The following CFAP47 variants were observed in gnomAD, a reference collection of about 807,000 sequenced individuals.
The protein encoded by CFAP47 is cilia- and flagella-associated protein 47.
In CFAP47, 29 loss-of-function variants were observed where a neutral mutation model predicts 148.1. That is an observed-to-expected ratio of 0.20 (90% CI 0.15 to 0.27). The LOEUF (loss-of-function observed/expected upper bound fraction) is 0.27, where lower values mean the gene tolerates loss of function less well. Among genes scored for constraint, CFAP47 ranks in the 10% least tolerant of loss-of-function variants. The pLI is 1.00. For synonymous variants in CFAP47, 664 were observed against 577.3 expected (o/e 1.15, Z -2.15); for missense variants, 1,872 against 1,697.5 (o/e 1.10, Z -1.81).
At chrX:36,194,511 G>A (rs1373047694) in intron 42 of CFAP47, among the ~76,000 whole-genome samples, 1 of 111,642 alleles carries the variant, frequency 9.0e-6, no homozygotes, top group Non-Finnish European at 1.9e-5. Flanking sequence ...CTACTATAAA[G>A]AACTACCTGG....
At chrX:36,085,816 T>C (rs1047921685) in intron 30 of CFAP47, among the ~76,000 whole-genome samples, 20 of 110,432 alleles carry the variant, frequency 1.8e-4, no homozygotes, top group Admixed American at 1.6e-3. Context: ...TCTTATACTT[T>C]ATCATGCATC....
At chrX:36,219,148 A>T (rs1940188624) in intron 45 of CFAP47, among the ~76,000 whole-genome samples, 2 of 111,822 alleles carry the variant, frequency 1.8e-5, no homozygotes, top group African/African-American at 6.5e-5. Context: ...ATACAAAATT[A>T]CTCCCACAAA....
intron 3 of CFAP47, among the ~76,000 whole-genome samples, chrX:35,944,550 C>T (rs1468124418): frequency 3.6e-5 from 4 of 110,997 alleles, no homozygotes; most frequent in Non-Finnish European, 7.6e-5. Flanking sequence ...GTGCTTAGAA[C>T]CAAGGGAATT....
intron 57 of CFAP47, among the ~76,000 whole-genome samples, chrX:36,336,244 G>GAC (rs781925226): frequency 0.04 from 2,601 of 65,582 alleles, 60 homozygotes; most frequent in Non-Finnish European, 0.053. Context: ...CAGACACACA[G>GAC]ACACACACAC....
At chrX:36,172,136 G>A (rs1214820226) in intron 39 of CFAP47, among the ~76,000 whole-genome samples, 1 of 104,676 alleles carries the variant, frequency 9.6e-6, no homozygotes, top group Non-Finnish European at 2.0e-5. Context: ...TGTGATTTTT[G>A]TACATTGATT....
chrX:36,287,310 A>G (rs1941143976), intron 51 of CFAP47, among the ~76,000 whole-genome samples: 1 of 111,461 alleles, frequency 9.0e-6, no homozygotes. Context: ...ATGTAATCCT[A>G]ATTCAGTTTG....
At chrX:35,991,252 G>A (rs1936786230) in intron 16 of CFAP47, among the ~76,000 whole-genome samples, 2 of 110,597 alleles carry the variant, frequency 1.8e-5, no homozygotes, top group South Asian at 7.5e-4. Context: ...ATTTAAAGAT[G>A]GATAACATAA....
chrX:35,995,131 C>T (rs780352455), intron 18 of CFAP47, among the ~76,000 whole-genome samples: 1 of 110,493 alleles, frequency 9.1e-6, no homozygotes, highest in South Asian at 3.9e-4. Context: ...AGGATGGAAG[C>T]GGGGTGTAAG....
intron 49 of CFAP47, among the ~76,000 whole-genome samples, chrX:36,277,880 C>T (rs1005736000): frequency 3.6e-5 from 4 of 112,167 alleles, no homozygotes; most frequent in African/African-American, 1.3e-4. Context: ...CCCTGTTTGC[C>T]TGAGTATCAC....
At chrX:36,117,276 G>A (rs1002868125) in intron 33 of CFAP47, among the ~76,000 whole-genome samples, 1 of 111,476 alleles carries the variant, frequency 9.0e-6, no homozygotes, top group African/African-American at 3.3e-5. Context: ...ATCCAGCAGT[G>A]GGATTGCTGG....
intron 33 of CFAP47, among the ~76,000 whole-genome samples, chrX:36,106,828 A>G (rs1446587139): frequency 8.9e-6 from 1 of 111,893 alleles, no homozygotes; most frequent in Non-Finnish European, 1.9e-5. Context: ...GCGGGGAAGG[A>G]GTGATGAATA....
At chrX:36,022,693 G>A (rs1937173395) in intron 22 of CFAP47, among the ~76,000 whole-genome samples, 1 of 110,099 alleles carries the variant, frequency 9.1e-6, no homozygotes, top group South Asian at 3.8e-4. Flanking sequence ...CTCTGACTGT[G>A]TATTTTTAAA....
chrX:36,048,658 C>T (rs1272959740), intron 26 of CFAP47, among the ~76,000 whole-genome samples: 1 of 111,588 alleles, frequency 9.0e-6, no homozygotes, highest in Non-Finnish European at 1.9e-5. Flanking sequence ...GATTGTACAC[C>T]CTACTTGCGT....
intron 22 of CFAP47, among the ~76,000 whole-genome samples, chrX:36,018,570 A>C (rs1020926467): frequency 2.7e-5 from 3 of 112,018 alleles, no homozygotes; most frequent in Non-Finnish European, 5.6e-5. Context: ...GAATTTTATC[A>C]AGTGTTCTTT....
At chrX:36,144,712 G>T (rs1939203350) in intron 35 of CFAP47, 1 of 1,023,113 alleles carries the variant, frequency 9.8e-7, no homozygotes, top group South Asian at 1.8e-5. Flanking sequence ...CAGTTTGCTT[G>T]TTTTTTTGTT....
At chrX:36,294,208 A>G (rs782370375) in intron 51 of CFAP47, among the ~76,000 whole-genome samples, 83 of 111,013 alleles carry the variant, frequency 7.5e-4, no homozygotes, top group Non-Finnish European at 1.3e-3. Flanking sequence ...TTCATCCTGC[A>G]ACCTGAAAGA....
chrX:36,257,252 T>G lies in CFAP47; in HGVS notation c.7444+5808T>G, dbSNP rs146999116. ...ATCTTCCCTTTGCCCGCAGGATTGA[T>G]GAAAGGACAACAGAGAAAGGATATA... is the stretch of plus-strand genomic sequence containing the variant. On this transcript the variant is annotated intron_variant, in intron 49 of 63. Coordinates refer to ENST00000378653, the MANE Select transcript of CFAP47 (RefSeq NM_001304548.2). Among the ~76,000 whole-genome samples the G allele has an allele frequency of 2.1e-3, 231 of 111,456 alleles. 1 individual carries two copies. Among genetic ancestry groups the G allele is most frequent in the African/African-American group, 7.0e-3 (215 of 30,694 alleles).
At chrX:36,053,260 A>C (rs1937529217) in intron 26 of CFAP47, among the ~76,000 whole-genome samples, 1 of 111,864 alleles carries the variant, frequency 8.9e-6, no homozygotes, top group Non-Finnish European at 1.9e-5. Flanking sequence ...TGGATTAAGA[A>C]GAATTACTAA....
chrX:36,225,526 A>G (rs782351102), intron 45 of CFAP47, among the ~76,000 whole-genome samples: 1 of 111,740 alleles, frequency 8.9e-6, no homozygotes, highest in African/African-American at 3.2e-5. Context: ...CTCTTGGTCC[A>G]TACCCTCCTA....
Sources: allele counts gnomAD v4.1 joint callset (sites outside exome capture counted in the v4.1 genomes callset), GRCh38; gene constraint gnomAD v4.1.1; transcripts MANE v1.5; gene names NCBI Gene and HGNC (gene_info 2026-07-23, HGNC 2026-07-21).